The following OTOA variants were observed in gnomAD, a reference collection of about 807,000 sequenced individuals.
OTOA encodes the protein cancer/testis antigen 108.
A neutral mutation model predicts 110.8 loss-of-function variants in OTOA; 70 were observed. That is an observed-to-expected ratio of 0.63 (90% confidence interval 0.52 to 0.77). The LOEUF is 0.77. Ranked by LOEUF, OTOA falls within the 30% of genes least tolerant of loss-of-function variation. The pLI is 0.00. For missense variants in OTOA, 917 were observed against 1,075.8 expected (o/e 0.85, Z 2.06); for synonymous variants, 373 against 431.5 (o/e 0.86, Z 1.68).
intron 12 of OTOA, among the ~76,000 whole-genome samples, chr16:21,708,210 G>T (rs1488425807): frequency 1.3e-5 from 2 of 152,184 alleles, no homozygotes; most frequent in African/African-American, 4.8e-5. Flanking sequence ...GGTCCCATCT[G>T]GGGGTGATGA....
intron 10 of OTOA, 58 bp from the exon 11 acceptor site, chr16:21,700,830 C>A: frequency 6.2e-7 from 1 of 1,609,130 alleles, no homozygotes; most frequent in South Asian, 1.1e-5. Flanking sequence ...CAGGGTGGGG[C>A]CACACTGGGC....
intron 11 of OTOA, among the ~76,000 whole-genome samples, chr16:21,701,470 T>C (rs1898051857): frequency 6.6e-6 from 1 of 152,120 alleles, no homozygotes. Context: ...AGATCAGCTC[T>C]AGAATTTAGT....
chr16:21,728,527 CT>C, intron 20 of OTOA, 96 bp downstream of exon 20: 2 of 1,374,430 alleles, frequency 1.5e-6, no homozygotes, highest in Non-Finnish European at 2.0e-6. Context: ...GAGTCTCTGG[CT>C]TAGGATGAGA....
At chr16:21,686,118 TA>T (rs1402122610) in intron 7 of OTOA, among the ~76,000 whole-genome samples, 1 of 151,886 alleles carries the variant, frequency 6.6e-6, no homozygotes, top group Admixed American at 6.6e-5. Flanking sequence ...TTAAAAAAGG[TA>T]AGTCATTTGC....
intron 13 of OTOA, among the ~76,000 whole-genome samples, chr16:21,712,363 A>G (rs757151143): frequency 2.1e-4 from 32 of 151,936 alleles, no homozygotes; most frequent in Non-Finnish European, 3.4e-4. Flanking sequence ...AGTAGTAGGA[A>G]TCCCAAAGAA....
At chr16:21,734,007 C>G (rs1412647117) in intron 21 of OTOA, among the ~76,000 whole-genome samples, 1 of 151,892 alleles carries the variant, frequency 6.6e-6, no homozygotes, top group Non-Finnish European at 1.5e-5. Flanking sequence ...ACCGTGTTGG[C>G]CAGGCTGGTC....
intron 27 of OTOA, among the ~76,000 whole-genome samples, chr16:21,754,026 C>T (rs1427951414): frequency 7.3e-6 from 1 of 137,390 alleles, no homozygotes; most frequent in Non-Finnish European, 1.6e-5. Flanking sequence ...CACCATTGCA[C>T]TCCAGCCTGG....
chr16:21,731,723 A>G (rs1418813548), intron 21 of OTOA, among the ~76,000 whole-genome samples: 4 of 152,100 alleles, frequency 2.6e-5, no homozygotes, highest in Admixed American at 6.6e-5. Context: ...GAGGGCAGGA[A>G]AGGAGTGAAT....
chr16:21,665,239 A>G (rs2141641717), intron 1 of OTOA, among the ~76,000 whole-genome samples: 1 of 152,182 alleles, frequency 6.6e-6, no homozygotes, highest in African/African-American at 2.4e-5. Context: ...AAAGCCAGTG[A>G]GCGTTGGAAT....
In OTOA at chr16:21,682,374, A is replaced by G. The variant is rs117610946; in HGVS notation, c.267+549A>G. On this transcript the variant is annotated intron_variant, in intron 6 of 28. Transcript: ENST00000646100. ...CACACATTAGATTGGCTCACACACC[A>G]TAGTCACATCTTACTGCAAAGGAGC... 9.2e-4 allele frequency among the ~76,000 whole-genome samples: 140 copies of G among 152,364 alleles called. 1 individual carries two copies. The East Asian group carries it at 0.025, about 27-fold the overall frequency.
intron 28 of OTOA, among the ~76,000 whole-genome samples, chr16:21,758,193 C>T (rs1900055222): frequency 6.6e-6 from 1 of 151,948 alleles, no homozygotes; most frequent in South Asian, 2.1e-4. Context: ...CCCATTTCCC[C>T]TTCACTTTCT....
Position 21,679,357 on chromosome 16 carries a change from C to G in OTOA, c.179+146C>G, listed in dbSNP as rs781595937. ...CAATGTGTTAAAAGTCAACAAACAC[C>G]CTTGCTCCACGGGCATCATTCCTCC... On this transcript the variant is annotated intron_variant, in intron 5 of 28. Coordinates refer to ENST00000646100, the MANE Select transcript of OTOA (RefSeq NM_144672.4). 3 of 959,462 alleles carry G rather than the reference C, an allele frequency of 3.1e-6. No homozygotes were observed. In the African/African-American group the frequency reaches 5.0e-5, roughly 16 times the overall value. 59.4% of individuals were successfully genotyped at this position (959,462 alleles called of 1,614,324 possible). A position where few individuals can be genotyped will look rare whatever the true frequency, so the allele number is the denominator to read the frequency against.
chr16:21,726,481 C>A (rs1167360384), intron 18 of OTOA, 42 bp from the exon 19 acceptor site: 2 of 1,611,652 alleles, frequency 1.2e-6, no homozygotes, highest in Non-Finnish European at 1.7e-6. Flanking sequence ...CCAACAGGAG[C>A]AGCCATGTGT....
chr16:21,678,675 A>G, intron 2 of OTOA, 70 bp downstream of exon 2: 1 of 1,379,146 alleles, frequency 7.3e-7, no homozygotes, highest in South Asian at 1.2e-5. Flanking sequence ...GGATAGATAC[A>G]TTAGGTACAT....
intron 9 of OTOA, among the ~76,000 whole-genome samples, chr16:21,695,387 T>A (rs1897912387): frequency 6.6e-6 from 1 of 151,318 alleles, no homozygotes; most frequent in African/African-American, 2.4e-5. Flanking sequence ...AAAAAAAAAA[T>A]CCCAAGCTTG....
chr16:21,664,981 T>TG (rs1275968354), intron 1 of OTOA, among the ~76,000 whole-genome samples: 5 of 144,108 alleles, frequency 3.5e-5, no homozygotes, highest in African/African-American at 1.4e-4. Context: ...CATGAATGAA[T>TG]AAATAAATAA....
chr16:21,692,483 G>C (rs1897850343), intron 9 of OTOA, among the ~76,000 whole-genome samples: 1 of 152,154 alleles, frequency 6.6e-6, no homozygotes, highest in Non-Finnish European at 1.5e-5. Flanking sequence ...TTGTGTCCTA[G>C]AGCAGTCAAA....
intron 12 of OTOA, among the ~76,000 whole-genome samples, chr16:21,707,109 C>T (rs1437722419): frequency 6.6e-6 from 1 of 151,988 alleles, no homozygotes; most frequent in African/African-American, 2.4e-5. Context: ...AAGTGATCCA[C>T]CTGCCTTGGC....
chr16:21,691,774 T>A (rs1188486559), intron 9 of OTOA, 87 bp downstream of exon 9: 1 of 1,247,524 alleles, frequency 8.0e-7, no homozygotes, highest in Non-Finnish European at 1.2e-6. Flanking sequence ...ATGGATTTGA[T>A]GTTGTTCTCT....
Sources: gnomAD v4.1 joint callset for allele counts (sites outside exome capture counted in the v4.1 genomes callset) on GRCh38, gnomAD v4.1.1 for gene constraint, MANE v1.5 for transcripts, NCBI Gene and HGNC (gene_info 2026-07-23, HGNC 2026-07-21) for gene names.